BBOX1: variants seen among roughly 807,000 people sequenced by gnomAD.
BBOX1 encodes gamma-butyrobetaine hydroxylase 1.
In BBOX1, 35 loss-of-function variants were observed where a neutral mutation model predicts 41.6. The ratio of observed to expected loss-of-function variants is 0.84; its 90% confidence interval spans 0.64 to 1.11. The LOEUF (loss-of-function observed/expected upper bound fraction) is 1.11, where lower values mean the gene tolerates loss of function less well. Ranked by LOEUF, BBOX1 falls within the 50% of genes most tolerant of loss-of-function variation. The probability of loss-of-function intolerance (pLI) is 0.00; values close to 1 mark genes in which losing one functional copy is unlikely to be tolerated. For synonymous variants in BBOX1, 163 were observed against 154.7 expected, an observed-to-expected ratio of 1.05 and a Z score of -0.40; for missense variants, 458 against 460.6, an observed-to-expected ratio of 0.99 and a Z score of 0.05.
chr11:27,065,656 CTCCA>C (rs1195267120), intron 4 of BBOX1, among the ~76,000 whole-genome samples: 1 of 152,150 alleles, frequency 6.6e-6, no homozygotes, highest in Non-Finnish European at 1.5e-5. Flanking sequence ...CTTTTCTAAA[CTCCA>C]TCCATACTTC....
intron 4 of BBOX1, among the ~76,000 whole-genome samples, chr11:27,071,810 A>C (rs1857459721): frequency 6.6e-6 from 1 of 152,170 alleles, no homozygotes; most frequent in South Asian, 2.1e-4. Flanking sequence ...ACAGAACCAA[A>C]GACAAAAACC....
In BBOX1 at chr11:27,061,348, G is replaced by A. The variant is rs551960608; in HGVS notation, c.334+4033G>A. 2.0e-5 allele frequency among the ~76,000 whole-genome samples: 3 copies of A among 152,234 alleles called. No homozygotes were observed. The South Asian group carries it at 6.2e-4, about 32-fold the overall frequency. ...CAGGCTGCAATCATGAATAATATAAGAACTGGCTGCTATTTAGACACTGGA... is the reference window on the plus strand; with the variant it reads ...CAGGCTGCAATCATGAATAATATAAAAACTGGCTGCTATTTAGACACTGGA... On this transcript the variant is annotated intron_variant, in intron 4 of 8. Coordinates refer to ENST00000263182, the MANE Select transcript of BBOX1 (RefSeq NM_003986.3).
intron 5 of BBOX1, among the ~76,000 whole-genome samples, chr11:27,115,070 G>A (rs979767299): frequency 5.3e-5 from 8 of 151,752 alleles, no homozygotes; most frequent in African/African-American, 1.2e-4. Flanking sequence ...CCAACAGTGC[G>A]AATTTACTAA....
At chr11:27,102,676 G>C (rs1282716635) in intron 5 of BBOX1, among the ~76,000 whole-genome samples, 1 of 151,860 alleles carries the variant, frequency 6.6e-6, no homozygotes, top group Non-Finnish European at 1.5e-5. Flanking sequence ...ACCAAACTTA[G>C]CTCAATGTAT....
intron 4 of BBOX1, among the ~76,000 whole-genome samples, chr11:27,076,553 T>C (rs1330657394): frequency 1.3e-5 from 2 of 152,168 alleles, no homozygotes; most frequent in African/African-American, 2.4e-5. Flanking sequence ...GCTGTGTTAG[T>C]AGCAGTGGGA....
At chr11:27,083,316 G>T (rs1246666868) in intron 4 of BBOX1, among the ~76,000 whole-genome samples, 2 of 152,108 alleles carry the variant, frequency 1.3e-5, no homozygotes, top group African/African-American at 4.8e-5. Context: ...AAAAAATAAA[G>T]ATAAGTGACA....
At chr11:27,054,205 CTGTGTGTGTGTGTGTG>C (rs57324926) in intron 2 of BBOX1, among the ~76,000 whole-genome samples, 1 of 139,376 alleles carries the variant, frequency 7.2e-6, no homozygotes, top group Non-Finnish European at 1.6e-5. Flanking sequence ...GTGTGTGTGT[CTGTGTGTGTGTGTGTG>C]TGTGTGTGTG....
At chr11:27,081,125 C>T (rs987031450) in intron 4 of BBOX1, among the ~76,000 whole-genome samples, 1 of 152,056 alleles carries the variant, frequency 6.6e-6, no homozygotes, top group Non-Finnish European at 1.5e-5. Flanking sequence ...GACAAAGGAT[C>T]ATATCAGATG....
rs891879036 is a variant in BBOX1 at position 27,060,131 on chromosome 11, G to T, written c.334+2816G>T. The stretch of plus-strand genomic sequence containing the variant: ...TGAACTGTAATCTCCAATGTTGGAG[G>T]TGGGGCCTCGTGGGAGGTGACTGGA... On this transcript the variant is annotated intron_variant, in intron 4 of 8. Transcript: ENST00000263182. Among the ~76,000 whole-genome samples, 3 of 152,164 alleles carry T rather than the reference G, an allele frequency of 2.0e-5. No individual in the cohort carries two copies. The East Asian group carries it at 5.8e-4, about 29-fold the overall frequency.
chr11:27,042,706 A>G (rs1157478532), intron 2 of BBOX1, among the ~76,000 whole-genome samples: 1 of 152,180 alleles, frequency 6.6e-6, no homozygotes, highest in East Asian at 1.9e-4. Context: ...TAAGTATCTC[A>G]GCCACTTATT....
chr11:27,099,837 G>C (rs763228965), intron 5 of BBOX1, among the ~76,000 whole-genome samples: 11 of 152,076 alleles, frequency 7.2e-5, no homozygotes, highest in Non-Finnish European at 1.5e-4. Flanking sequence ...GTGAAAGTTT[G>C]CTTGAAAAAT....
chr11:27,089,854 A>G (rs113705373), intron 4 of BBOX1, among the ~76,000 whole-genome samples: 79 of 152,126 alleles, frequency 5.2e-4, no homozygotes, highest in African/African-American at 1.8e-3. Flanking sequence ...TCTTCTCACT[A>G]AAACCCAAAT....
chr11:27,119,580 TGAA>T lies in BBOX1; in HGVS notation c.640-66_640-64del, dbSNP rs900414972. 1.3e-4 allele frequency: 117 copies of T among 888,384 alleles called. No homozygotes were observed. The African/African-American group carries it at 1.8e-3, about 14-fold the overall frequency. 55.0% of individuals were successfully genotyped at this position (888,384 alleles called of 1,614,324 possible). On this transcript the variant is annotated intron_variant, in intron 6 of 8. Coordinates refer to ENST00000263182, the MANE Select transcript of BBOX1 (RefSeq NM_003986.3). Reference sequence around the variant, plus strand: ...TATTTTATTTTATTATTTATTTTATTGAAGATTAATTCTAATAATTAAAATGTA... The same window carrying T: ...TATTTTATTTTATTATTTATTTTATTGATTAATTCTAATAATTAAAATGTA...
chr11:27,082,623 C>T (rs1362166656), intron 4 of BBOX1, among the ~76,000 whole-genome samples: 1 of 152,096 alleles, frequency 6.6e-6, no homozygotes, highest in Admixed American at 6.6e-5. Flanking sequence ...TATCTAAGCT[C>T]CTTGTGCCTT....
intron 2 of BBOX1, among the ~76,000 whole-genome samples, chr11:27,045,155 C>T (rs957679710): frequency 2.0e-5 from 3 of 151,972 alleles, no homozygotes; most frequent in African/African-American, 7.2e-5. Flanking sequence ...TCCCTTCTAA[C>T]TTGGATTCCT....
chr11:27,126,733 T>C (rs994348092), intron 8 of BBOX1, among the ~76,000 whole-genome samples: 73 of 150,094 alleles, frequency 4.9e-4, no homozygotes, highest in Non-Finnish European at 1.5e-4. Context: ...TGGAGTACAG[T>C]GGCGTGATCT....
At chr11:27,063,176 G>A (rs1195317866) in intron 4 of BBOX1, 3 of 152,138 alleles carry the variant, frequency 2.0e-5, no homozygotes, top group African/African-American at 7.2e-5. Context: ...ATATTCTCTA[G>A]TCTCTCTCAA....
At chr11:27,080,449 T>G (rs1857797514) in intron 4 of BBOX1, among the ~76,000 whole-genome samples, 1 of 152,100 alleles carries the variant, frequency 6.6e-6, no homozygotes, top group South Asian at 2.1e-4. Context: ...TTTCCATGGA[T>G]TGTTCATTTA....
intron 5 of BBOX1, among the ~76,000 whole-genome samples, chr11:27,102,564 A>G (rs1210348943): frequency 1.3e-5 from 2 of 151,936 alleles, no homozygotes; most frequent in South Asian, 2.1e-4. Context: ...ATCAACAAGC[A>G]TCCTTACTAC....
Sources: gnomAD v4.1 joint callset for allele counts (sites outside exome capture counted in the v4.1 genomes callset) on GRCh38, gnomAD v4.1.1 for gene constraint, MANE v1.5 for transcripts, NCBI Gene and HGNC (gene_info 2026-07-23, HGNC 2026-07-21) for gene names.